ZMAT5: variants seen among roughly 807,000 people sequenced by gnomAD.
ZMAT5 encodes the protein zinc finger matrin-type protein 5.
Under a neutral mutation model 28.0 loss-of-function variants are expected in ZMAT5, and 23 were observed. The observed-to-expected ratio is 0.82, with a 90% CI of 0.59 to 1.16. The LOEUF (loss-of-function observed/expected upper bound fraction) is 1.16, where lower values mean the gene tolerates loss of function less well. Ranked by LOEUF, ZMAT5 falls within the 50% of genes most tolerant of loss-of-function variation. The pLI, the probability that ZMAT5 is intolerant of heterozygous loss-of-function variation, is 0.00. For synonymous variants in ZMAT5, 76 were observed against 84.1 expected (o/e 0.90, Z 0.52); for missense variants, 173 against 212.7 (o/e 0.81, Z 1.16).
chr22:29,740,565 G>A (rs781004243), intron 4 of ZMAT5, 85 bp downstream of exon 4: 32 of 1,374,816 alleles, frequency 2.3e-5, no homozygotes, highest in East Asian at 5.0e-5. Flanking sequence ...GGGAGATAGG[G>A]AGGCATAGGC....
chr22:29,748,700 T>C, intron 1 of ZMAT5, 129 bp from the exon 2 acceptor site: 1 of 1,235,726 alleles, frequency 8.1e-7, no homozygotes, highest in African/African-American at 1.5e-5. Flanking sequence ...CCATTAGGAG[T>C]GTCAAGCTGA....
chr22:29,764,824 A>T lies in ZMAT5; in HGVS notation c.-28+2048T>A, dbSNP rs115475452. On this transcript the variant is annotated intron_variant, in intron 1 of 5. Transcript: ENST00000344318. ...GGCCCCTAGTTTGTTTTTCATGGAG[A>T]CGGTCTCACTATACGGCCCAGGCTG... Among the ~76,000 whole-genome samples the T allele has an allele frequency of 9.7e-3, 1,480 of 151,926 alleles. 21 individuals are homozygous for T. Among genetic ancestry groups the T allele is most frequent in the African/African-American group, 0.034 (1,391 of 41,424 alleles).
intron 1 of ZMAT5, among the ~76,000 whole-genome samples, chr22:29,757,372 C>T (rs2147235507): frequency 6.6e-6 from 1 of 152,264 alleles, no homozygotes; most frequent in South Asian, 2.1e-4. Flanking sequence ...AACACAACTA[C>T]TCTAATCACC....
intron 1 of ZMAT5, among the ~76,000 whole-genome samples, chr22:29,757,216 C>CAAA (rs776485867): frequency 2.4e-5 from 1 of 40,848 alleles, no homozygotes; most frequent in African/African-American, 6.6e-5. Flanking sequence ...ACCCCAATCT[C>CAAA]AAAAAAAAAA....
At chr22:29,759,881 C>T (rs2068139442) in intron 1 of ZMAT5, among the ~76,000 whole-genome samples, 1 of 151,826 alleles carries the variant, frequency 6.6e-6, no homozygotes, top group South Asian at 2.1e-4. Flanking sequence ...GCCTGGCCAA[C>T]ATGGTGAAAC....
intron 2 of ZMAT5, among the ~76,000 whole-genome samples, chr22:29,745,152 G>A (rs898213520): frequency 9.9e-5 from 15 of 152,234 alleles, no homozygotes; most frequent in Non-Finnish European, 1.9e-4. Flanking sequence ...GGATGTAAGC[G>A]GGGTAAACAT....
intron 1 of ZMAT5, among the ~76,000 whole-genome samples, chr22:29,758,327 TGC>T (rs1269347753): frequency 6.6e-6 from 1 of 152,150 alleles, no homozygotes; most frequent in Non-Finnish European, 1.5e-5. Context: ...AAAAGTTTGT[TGC>T]TTTAGGTTGG....
At chr22:29,742,018 G>A (rs951763174) in intron 3 of ZMAT5, among the ~76,000 whole-genome samples, 1 of 152,102 alleles carries the variant, frequency 6.6e-6, no homozygotes, top group South Asian at 2.1e-4. Flanking sequence ...TCTACACCTA[G>A]CATCCTTGGT....
chr22:29,765,324 CA>C (rs1226855607), intron 1 of ZMAT5, among the ~76,000 whole-genome samples: 1 of 151,872 alleles, frequency 6.6e-6, no homozygotes, highest in Non-Finnish European at 1.5e-5. Context: ...TAGGCTGAGG[CA>C]TGAGAATTGC....
rs1412753950 is a variant in ZMAT5 at position 29,739,496 on chromosome 22, C to T, written c.272-1055G>A. Among the ~76,000 whole-genome samples, 5 of 152,300 alleles carry T rather than the reference C, an allele frequency of 3.3e-5. No homozygotes were observed. In the South Asian group the frequency reaches 8.3e-4, roughly 25 times the overall value. On this transcript the variant is annotated intron_variant, in intron 4 of 5. Coordinates refer to ENST00000344318, the MANE Select transcript of ZMAT5 (RefSeq NM_001003692.2). The stretch of plus-strand genomic sequence containing the variant: ...GCTTCATCCTTAGAGACATCACATT[C>T]GACAGGACACAGCCTCCAAGAGGTT...
At chr22:29,740,114 A>C (rs1367909956) in intron 4 of ZMAT5, among the ~76,000 whole-genome samples, 6 of 152,168 alleles carry the variant, frequency 3.9e-5, no homozygotes, top group African/African-American at 1.4e-4. Context: ...GATAAACACC[A>C]TCTCAGTCAG....
intron 5 of ZMAT5, among the ~76,000 whole-genome samples, chr22:29,736,840 T>C (rs1160328074): frequency 2.8e-5 from 4 of 144,336 alleles, no homozygotes; most frequent in East Asian, 2.1e-4. Context: ...CTGGGTAACA[T>C]GGTGAAACCC....
Position 29,731,024 on chromosome 22 carries a change from C to A in ZMAT5, c.*201G>T. Reference sequence around the variant, plus strand: ...CCCATCTTCTTAAGAAGCAGGGGGGCAGGTGGAGGAGAGTGAGGGGAGAGC... The same window carrying A: ...CCCATCTTCTTAAGAAGCAGGGGGGAAGGTGGAGGAGAGTGAGGGGAGAGC... On this transcript the variant is annotated 3_prime_UTR_variant, in exon 6 of 6. Coordinates refer to ENST00000344318, the MANE Select transcript of ZMAT5 (RefSeq NM_001003692.2). 2.2e-6 allele frequency: 1 copy of A among 461,040 alleles called. No homozygotes were observed. Among genetic ancestry groups the A allele is most frequent in the South Asian group, 6.2e-5 (1 of 16,220 alleles). 28.6% of individuals were successfully genotyped at this position (461,040 alleles called of 1,614,324 possible).
intron 5 of ZMAT5, among the ~76,000 whole-genome samples, chr22:29,733,448 G>A (rs892262719): frequency 4.6e-5 from 7 of 152,214 alleles, no homozygotes; most frequent in Admixed American, 3.9e-4. Flanking sequence ...CAAGGACTCC[G>A]GGGAGCTCTG....
In ZMAT5 at chr22:29,735,359, G is replaced by A. The variant is rs78923380; in HGVS notation, c.383+2971C>T. 9.0e-3 allele frequency among the ~76,000 whole-genome samples: 1,370 copies of A among 152,344 alleles called. 17 individuals carry two copies. Among genetic ancestry groups the A allele is most frequent in the African/African-American group, 0.031 (1,294 of 41,580 alleles). On this transcript the variant is annotated intron_variant, in intron 5 of 5. Transcript: ENST00000344318. ...CTCAGGAGGCAGGAGGAAGGCAGGT[G>A]GCAGATCCCCTGGAAGGGGCCAGGC... is the stretch of plus-strand genomic sequence containing the variant.
chr22:29,743,604 A>T (rs1411132422), intron 2 of ZMAT5, among the ~76,000 whole-genome samples: 1 of 151,204 alleles, frequency 6.6e-6, no homozygotes, highest in Non-Finnish European at 1.5e-5. Context: ...CTAATTTTTT[A>T]ATTTTTTTGT....
chr22:29,764,200 C>T (rs748267682), intron 1 of ZMAT5, among the ~76,000 whole-genome samples: 13 of 152,176 alleles, frequency 8.5e-5, no homozygotes, highest in Admixed American at 2.6e-4. Context: ...TCCCTGTGGT[C>T]TTCCCTACTC....
chr22:29,762,074 C>G (rs557783360), intron 1 of ZMAT5, among the ~76,000 whole-genome samples: 39 of 152,150 alleles, frequency 2.6e-4, no homozygotes, highest in African/African-American at 9.2e-4. Context: ...TGTAGTAACT[C>G]TTTACTCTGG....
chr22:29,734,304 G>C (rs1467267169), intron 5 of ZMAT5, among the ~76,000 whole-genome samples: 1 of 152,234 alleles, frequency 6.6e-6, no homozygotes, highest in Non-Finnish European at 1.5e-5. Context: ...TTTACAAGGA[G>C]GGCTGGCCTG....
Sources: allele counts gnomAD v4.1 joint callset (sites outside exome capture counted in the v4.1 genomes callset), GRCh38; gene constraint gnomAD v4.1.1; transcripts MANE v1.5; gene names NCBI Gene and HGNC (gene_info 2026-07-23, HGNC 2026-07-21).